ADAMTSL1: variants seen among roughly 807,000 people sequenced by gnomAD.
The protein encoded by ADAMTSL1 is ADAMTS-like protein 1.
A neutral mutation model predicts 201.8 loss-of-function variants in ADAMTSL1; 126 were observed. The ratio of observed to expected loss-of-function variants is 0.62; its 90% CI spans 0.54 to 0.72. The LOEUF is 0.72. ADAMTSL1 is among the 30% of genes least tolerant of loss of function. The pLI is 0.00. For missense variants in ADAMTSL1, 2,679 were observed against 2,277.8 expected, an observed-to-expected ratio of 1.18 and a Z score of -3.59; for synonymous variants, 1,121 against 903.4, an observed-to-expected ratio of 1.24 and a Z score of -4.32.
At chr9:18,395,715 T>G (rs1028713910) in intron 2 of ADAMTSL1, among the ~76,000 whole-genome samples, 16 of 152,168 alleles carry the variant, frequency 1.1e-4, no homozygotes, top group African/African-American at 3.4e-4. Context: ...GCCTGTGTAT[T>G]TGAAACTGAC....
intron 2 of ADAMTSL1, among the ~76,000 whole-genome samples, chr9:18,201,395 A>G (rs1829438761): frequency 6.6e-6 from 1 of 152,098 alleles, no homozygotes; most frequent in Admixed American, 6.6e-5. Flanking sequence ...CTTTTTTATC[A>G]TTATTCACTT....
chr9:18,406,096 G>A (rs968669507), intron 2 of ADAMTSL1, among the ~76,000 whole-genome samples: 4 of 152,158 alleles, frequency 2.6e-5, no homozygotes, highest in African/African-American at 9.7e-5. Context: ...TCGTGTTTTA[G>A]AGAATTTTCT....
At position 18,363,981 on chromosome 9, in the gene ADAMTSL1, C is replaced by T. The variant is rs149040814; in HGVS notation, c.208-140848C>T. 9.5e-4 allele frequency among the ~76,000 whole-genome samples: 144 copies of T among 152,046 alleles called. 1 individual carries two copies. The highest frequency in any genetic ancestry group is 2.8e-3 in the African/African-American group (118 of 41,462). On this transcript the variant is annotated intron_variant, in intron 2 of 29. Coordinates refer to the ADAMTSL1 transcript ENST00000680146. ...GTGTAAGCCTCCTAGACACAGAACA[C>T]GTGAAGATACTGAAAAAAAAATTCA...
At chr9:18,563,160 T>C (rs1821644918) in intron 3 of ADAMTSL1, among the ~76,000 whole-genome samples, 1 of 152,226 alleles carries the variant, frequency 6.6e-6, no homozygotes, top group Non-Finnish European at 1.5e-5. Flanking sequence ...TTTATCTACC[T>C]TTGGTCTTTG....
intron 1 of ADAMTSL1, among the ~76,000 whole-genome samples, chr9:17,966,439 G>C (rs1817980423): frequency 6.6e-6 from 1 of 152,134 alleles, no homozygotes; most frequent in Non-Finnish European, 1.5e-5. Flanking sequence ...GCCTCTTCAT[G>C]TGCCGCATTC....
At chr9:18,810,740 T>C (rs1166955667) in intron 20 of ADAMTSL1, among the ~76,000 whole-genome samples, 2 of 152,112 alleles carry the variant, frequency 1.3e-5, no homozygotes, top group Non-Finnish European at 2.9e-5. Context: ...TCCCAGCTGA[T>C]AAAGGCCTAT....
intron 21 of ADAMTSL1, among the ~76,000 whole-genome samples, chr9:18,825,580 T>TTTTTATTAAAAAATATTAATA (rs1491553599): frequency 1.7e-4 from 26 of 152,296 alleles, no homozygotes; most frequent in Middle Eastern, 3.4e-3. Context: ...AGCTTTGCAC[T>TTTTTATTAAAAAATATTAATA]TTTTATTAAA....
Position 18,829,973 on chromosome 9 carries a change from C to T in ADAMTSL1, c.4245C>T (p.Leu1415=), listed in dbSNP as rs1286708865. Residue 1415 remains leucine, a synonymous_variant, in exon 23 of 29, where the codon CTC becomes CTT. Transcript: ENST00000380548. ...QLVLDPGNSA[L]LGCPIKGHPV... ...TCCTGGATCCTGGGAATTCTGCTCT[C>T]CTTGGTGAGTCTAACCCTCGGAAAC... The T allele has an allele frequency of 1.2e-6, 2 of 1,609,414 alleles. No individual in the cohort carries two copies. Among genetic ancestry groups the T allele is most frequent in the South Asian group, 1.1e-5 (1 of 90,092 alleles).
At chr9:17,912,967 C>G (rs1204821941) in intron 1 of ADAMTSL1, among the ~76,000 whole-genome samples, 1 of 152,042 alleles carries the variant, frequency 6.6e-6, no homozygotes, top group Non-Finnish European at 1.5e-5. Flanking sequence ...GCTTGTTTTT[C>G]TCAGGTTTGT....
Position 18,311,625 on chromosome 9 carries a change from A to G in ADAMTSL1, c.207+147644A>G, listed in dbSNP as rs533409789. 3.9e-5 allele frequency among the ~76,000 whole-genome samples: 6 copies of G among 152,276 alleles called. No individual in the cohort carries two copies. In the South Asian group the frequency reaches 1.3e-3, roughly 32 times the overall value. On this transcript the variant is annotated intron_variant, in intron 2 of 29. Transcript: ENST00000680146. ...GCCTCAAGTCTCAGGAAGGCTACAG[A>G]CCATAGAATCCTAATGGGATTCGAT...
intron 3 of ADAMTSL1, among the ~76,000 whole-genome samples, chr9:18,538,765 C>T (rs1387723348): frequency 6.6e-6 from 1 of 152,146 alleles, no homozygotes; most frequent in Non-Finnish European, 1.5e-5. Context: ...AAGGTAAATT[C>T]CCATTTGGTC....
chr9:18,179,992 A>G (rs956074530), intron 2 of ADAMTSL1, among the ~76,000 whole-genome samples: 2 of 152,168 alleles, frequency 1.3e-5, no homozygotes, highest in African/African-American at 4.8e-5. Context: ...ACCAGCTAAC[A>G]TCATAATGAC....
chr9:18,185,888 G>A (rs936508279), intron 2 of ADAMTSL1, among the ~76,000 whole-genome samples: 6 of 152,218 alleles, frequency 3.9e-5, no homozygotes, highest in East Asian at 1.9e-4. Flanking sequence ...TTGATGTGGC[G>A]TTGGATGTGT....
In ADAMTSL1 at chr9:18,880,755, G is replaced by C. The variant is rs1313384933; in HGVS notation, c.4250-7076G>C. Among the ~76,000 whole-genome samples the C allele has an allele frequency of 2.6e-5, 4 of 152,164 alleles. No homozygotes were observed. In the East Asian group the frequency reaches 7.7e-4, roughly 29 times the overall value. ...CCAGGTGCATTATCCCCTAACAAGA[G>C]AGTCAGCCTGTCCTTTGAAGCTTTG... is the stretch of plus-strand genomic sequence containing the variant. On this transcript the variant is annotated intron_variant, in intron 23 of 28. Transcript: ENST00000380548.
At chr9:18,368,788 A>T (rs2133116296) in intron 2 of ADAMTSL1, among the ~76,000 whole-genome samples, 2 of 152,364 alleles carry the variant, frequency 1.3e-5, no homozygotes, top group Middle Eastern at 6.8e-3. Context: ...TTTCAGTAAC[A>T]TTCATTTACT....
At chr9:18,786,132 A>C (rs1248227986) in intron 19 of ADAMTSL1, among the ~76,000 whole-genome samples, 1 of 152,248 alleles carries the variant, frequency 6.6e-6, no homozygotes, top group Non-Finnish European at 1.5e-5. Flanking sequence ...TGCTTGAAGA[A>C]AATACTTATT....
intron 1 of ADAMTSL1, among the ~76,000 whole-genome samples, chr9:18,105,142 C>G (rs1824700429): frequency 6.6e-6 from 1 of 152,134 alleles, no homozygotes; most frequent in Non-Finnish European, 1.5e-5. Flanking sequence ...TAAATTCGTA[C>G]AGGACACCGT....
chr9:18,271,208 T>A (rs1435467091), intron 2 of ADAMTSL1, among the ~76,000 whole-genome samples: 1 of 152,142 alleles, frequency 6.6e-6, no homozygotes, highest in Non-Finnish European at 1.5e-5. Context: ...ATACTTTAAG[T>A]TCTAGGGTAC....
In ADAMTSL1 at chr9:18,706,776, C is replaced by T; in HGVS notation, c.1604C>T (p.Thr535Ile). The change falls in exon 14 of 29, where the codon ACA (threonine) becomes ATA (isoleucine). Residue 535 changes from threonine (T) to isoleucine (I), a missense_variant. Physicochemically the swap from Thr to Ile is moderately conservative, Grantham distance 89. Coordinates refer to ENST00000380548, the MANE Select transcript of ADAMTSL1 (RefSeq NM_001040272.6). ...SFIPEAWSACTVTCGVGTQVR... is the reference protein window; with the variant it reads ...SFIPEAWSACIVTCGVGTQVR... ...ATCCCAGAGGCCTGGTCGGCCTGCA[C>T]AGTCACCTGTGGTGTGGGGACCCAG... The T allele has an allele frequency of 1.2e-6, 2 of 1,607,626 alleles. No individual in the cohort carries two copies.
Sources: allele counts gnomAD v4.1 joint callset (sites outside exome capture counted in the v4.1 genomes callset), GRCh38; gene constraint gnomAD v4.1.1; transcripts MANE v1.5; gene names NCBI Gene and HGNC (gene_info 2026-07-23, HGNC 2026-07-21).